The following DBX2 variants were observed in gnomAD, a reference collection of about 807,000 sequenced individuals.
The protein encoded by DBX2 is homeobox protein DBX2.
Under a neutral mutation model 17.7 loss-of-function variants are expected in DBX2, and 16 were observed. That is an observed-to-expected ratio of 0.90 (90% confidence interval 0.61 to 1.37). The LOEUF (loss-of-function observed/expected upper bound fraction) is 1.37, where lower values mean the gene tolerates loss of function less well. Ranked by LOEUF, DBX2 falls within the 40% of genes most tolerant of loss-of-function variation. The pLI is 0.00. For missense variants in DBX2, 538 were observed against 433.8 expected, an observed-to-expected ratio of 1.24 and a Z score of -2.13; for synonymous variants, 255 against 183.8, an observed-to-expected ratio of 1.39 and a Z score of -3.13.
chr12:45,038,026 T>C (rs1188452113), intron 1 of DBX2, among the ~76,000 whole-genome samples: 2 of 152,120 alleles, frequency 1.3e-5, no homozygotes, highest in Non-Finnish European at 2.9e-5. Context: ...TGTTCTTATA[T>C]TGACTATAAA....
chr12:45,051,033 G>A lies in DBX2; in HGVS notation c.-106C>T. ...CAGCTTCTCGCCGCCGCCTCCCGCA[G>A]GGCTGGAGCGCGCGGAGCCAGGCAG... On this transcript the variant is annotated 5_prime_UTR_variant, in exon 1 of 4. Transcript: ENST00000332700. 7.9e-7 allele frequency: 1 copy of A among 1,268,692 alleles called. No homozygotes were observed. The allele number at this position is 1,268,692 out of a possible 1,614,324, so 78.6% of individuals were successfully genotyped here.
rs1416057887 is a variant in DBX2 at position 45,050,932 on chromosome 12, C to A, written c.-5G>T. ...TGCGACCGCGCTGGGGAGCATAGTG[C>A]GGCGCCAACCGGTCTGCTGCGCGCC... On this transcript the variant is annotated 5_prime_UTR_variant, in exon 1 of 4. Transcript: ENST00000332700. 2 of 1,448,342 alleles carry A rather than the reference C, an allele frequency of 1.4e-6. No individual in the cohort carries two copies. Among genetic ancestry groups the A allele is most frequent in the South Asian group, 1.4e-5 (1 of 69,212 alleles). 89.7% of individuals were successfully genotyped at this position (1,448,342 alleles called of 1,614,324 possible). A position where few individuals can be genotyped will look rare whatever the true frequency, so the allele number is the denominator to read the frequency against.
At chr12:45,031,235 A>T (rs113028284) in intron 2 of DBX2, among the ~76,000 whole-genome samples, 37 of 123,952 alleles carry the variant, frequency 3.0e-4, no homozygotes, top group African/African-American at 1.0e-3. Flanking sequence ...TGAGAGAGAG[A>T]GAGAGAGAGA....
At chr12:45,031,227 A>AGAGAGC (rs1946409211) in intron 2 of DBX2, among the ~76,000 whole-genome samples, 2 of 62,314 alleles carry the variant, frequency 3.2e-5, no homozygotes, top group Non-Finnish European at 6.1e-5. Flanking sequence ...TGTGTGTGTG[A>AGAGAGC]GAGAGAGAGA....
At chr12:45,050,422 G>C in intron 1 of DBX2, 103 bp downstream of exon 1, 2 of 1,434,592 alleles carry the variant, frequency 1.4e-6, no homozygotes, top group Non-Finnish European at 9.2e-7. Context: ...TCCCAAACCG[G>C]CTCTCCCTGG....
At chr12:45,049,621 C>G (rs1401099637) in intron 1 of DBX2, among the ~76,000 whole-genome samples, 1 of 148,412 alleles carries the variant, frequency 6.7e-6, no homozygotes, top group Non-Finnish European at 1.5e-5. Context: ...ACAAACCCAT[C>G]GGGATTAAAA....
intron 1 of DBX2, 51 bp downstream of exon 1, chr12:45,050,474 C>G: frequency 6.5e-7 from 1 of 1,538,524 alleles, no homozygotes; most frequent in Non-Finnish European, 8.8e-7. Flanking sequence ...CCTGGACCAC[C>G]CGGCCTGGGG....
chr12:45,026,670 G>T (rs1238968370), intron 2 of DBX2, among the ~76,000 whole-genome samples: 1 of 152,346 alleles, frequency 6.6e-6, no homozygotes, highest in South Asian at 2.1e-4. Flanking sequence ...TTGTCTAAAA[G>T]ATTACAAACA....
Position 45,015,288 on chromosome 12 carries a change from CA to C in DBX2, c.*997del, listed in dbSNP as rs374205078. The C allele has an allele frequency of 2.4e-4, 36 of 152,280 alleles. No homozygotes were observed. Among genetic ancestry groups the C allele is most frequent in the African/African-American group, 8.2e-4 (34 of 41,554 alleles). 9.4% of individuals were successfully genotyped at this position (152,280 alleles called of 1,614,324 possible). ...AAAATTGAGTCCCTAACTAGAAGCG[CA>C]AACAGAAATCATCATTGATTCTGTT... On this transcript the variant is annotated 3_prime_UTR_variant, in exon 4 of 4. Transcript: ENST00000332700.
At chr12:45,045,129 T>G (rs1214995706) in intron 1 of DBX2, among the ~76,000 whole-genome samples, 2 of 152,186 alleles carry the variant, frequency 1.3e-5, no homozygotes, top group Non-Finnish European at 2.9e-5. Flanking sequence ...TTGTTTCATT[T>G]TACAACTTGC....
chr12:45,050,089 C>T (rs1208122965), intron 1 of DBX2, among the ~76,000 whole-genome samples: 1 of 152,136 alleles, frequency 6.6e-6, no homozygotes, highest in Non-Finnish European at 1.5e-5. Flanking sequence ...CCAAGTTGGG[C>T]CGCGCAAAGC....
At chr12:45,044,171 A>G (rs1333398315) in intron 1 of DBX2, among the ~76,000 whole-genome samples, 1 of 152,234 alleles carries the variant, frequency 6.6e-6, no homozygotes, top group Non-Finnish European at 1.5e-5. Context: ...AAAAGCAGCT[A>G]TAGAAAATAT....
At chr12:45,032,983 T>C (rs1946418068) in intron 2 of DBX2, among the ~76,000 whole-genome samples, 1 of 152,216 alleles carries the variant, frequency 6.6e-6, no homozygotes, top group African/African-American at 2.4e-5. Context: ...TATCAAAGAT[T>C]TTCCATACAC....
At chr12:45,047,385 T>C (rs979157001) in intron 1 of DBX2, among the ~76,000 whole-genome samples, 1 of 152,136 alleles carries the variant, frequency 6.6e-6, no homozygotes, top group Non-Finnish European at 1.5e-5. Context: ...ACCTATTTCC[T>C]ACCCAATATT....
chr12:45,049,360 T>A (rs1044129607), intron 1 of DBX2, among the ~76,000 whole-genome samples: 1 of 152,228 alleles, frequency 6.6e-6, no homozygotes, highest in Non-Finnish European at 1.5e-5. Flanking sequence ...TTCCATAAAC[T>A]TTGCCTTAAC....
chr12:45,017,306 C>T (rs1197098374), intron 3 of DBX2, among the ~76,000 whole-genome samples: 3 of 152,022 alleles, frequency 2.0e-5, no homozygotes, highest in Non-Finnish European at 4.4e-5. Context: ...GCTATGCACT[C>T]GGGATAGATT....
At chr12:45,023,216 C>G (rs2137019969) in intron 3 of DBX2, among the ~76,000 whole-genome samples, 1 of 152,234 alleles carries the variant, frequency 6.6e-6, no homozygotes, top group Admixed American at 6.5e-5. Context: ...GACATAAACC[C>G]AAATAACAAA....
chr12:45,016,631 T>G lies in DBX2; in HGVS notation c.688-13A>C, dbSNP rs768641379. On this transcript the variant is annotated splice_polypyrimidine_tract_variant and intron_variant, in intron 3 of 3. Coordinates refer to ENST00000332700, the MANE Select transcript of DBX2 (RefSeq NM_001004329.3). ...ACCAAATTTTCACCTATTGACAAAA[T>G]AATTGCACAAAATGATCACTTATTC... 2 of 1,515,478 alleles carry G rather than the reference T, an allele frequency of 1.3e-6. No homozygotes were observed. The highest frequency in any genetic ancestry group is 4.7e-5 in the Admixed American group (2 of 42,732). 93.9% of individuals were successfully genotyped at this position (1,515,478 alleles called of 1,614,324 possible).
At chr12:45,032,418 A>G (rs560585823) in intron 2 of DBX2, among the ~76,000 whole-genome samples, 1 of 152,300 alleles carries the variant, frequency 6.6e-6, no homozygotes, top group African/African-American at 2.4e-5. Context: ...TCCTCAGTCC[A>G]CTGGCCACTC....
Sources: allele counts gnomAD v4.1 joint callset (sites outside exome capture counted in the v4.1 genomes callset), GRCh38; gene constraint gnomAD v4.1.1; transcripts MANE v1.5; gene names NCBI Gene and HGNC (gene_info 2026-07-23, HGNC 2026-07-21).